Variants in TKTL1 observed in about 807,000 individuals in gnomAD.
The protein encoded by TKTL1 is transketolase-like protein 1.
A neutral mutation model predicts 39.3 loss-of-function variants in TKTL1; 1 was observed. The observed-to-expected ratio is 0.03, with a 90% CI of 0.01 to 0.12. The LOEUF is 0.12. Ranked by LOEUF, TKTL1 falls within the 10% of genes least tolerant of loss-of-function variation. The pLI is 1.00. For missense variants in TKTL1, 575 were observed against 509.6 expected (o/e 1.13, Z -1.24); for synonymous variants, 262 against 193.8 (o/e 1.35, Z -2.92).
intron 9 of TKTL1, among the ~76,000 whole-genome samples, chrX:154,323,795 C>T (rs1557171399): frequency 1.8e-5 from 2 of 112,429 alleles, no homozygotes; most frequent in African/African-American, 6.5e-5. Context: ...ACCCGGGTTC[C>T]CTGGCCCTGG....
chrX:154,297,728 T>TA (rs1557164963), intron 1 of TKTL1, among the ~76,000 whole-genome samples: 1 of 110,432 alleles, frequency 9.1e-6, no homozygotes, highest in East Asian at 2.9e-4. Flanking sequence ...CGTGTGAGCC[T>TA]AGAAAGTTCG....
chrX:154,300,442 T>C (rs1345781177), intron 1 of TKTL1, among the ~76,000 whole-genome samples: 1 of 112,601 alleles, frequency 8.9e-6, no homozygotes, highest in Non-Finnish European at 1.9e-5. Context: ...TGTGATGTCT[T>C]TCAGTAGTGT....
rs1019062581 is a variant in TKTL1 at position 154,327,876 on chromosome X, A to G, written c.1536A>G (p.Lys512=). ...GTGTCATCGACCTGTTTACCATTAA[A>G]CCTCTGGATGTCGCCACCATCGTCT... ...FIRVIDLFTI[K]PLDVATIVSS... Residue 512 remains lysine, a synonymous_variant, in exon 12 of 13, where the codon AAA becomes AAG. Coordinates refer to ENST00000369915, the MANE Select transcript of TKTL1 (RefSeq NM_012253.4). The G allele has an allele frequency of 5.8e-6, 7 of 1,208,675 alleles. No homozygotes were observed. The African/African-American group carries it at 1.1e-4, about 18-fold the overall frequency.
rs1024098221 is a variant in TKTL1, at chrX:154,305,218, G to A, written c.135-86G>A. The A allele has an allele frequency of 7.6e-6, 9 of 1,180,981 alleles. No individual in the cohort carries two copies. In the East Asian group the frequency reaches 9.1e-5, roughly 12 times the overall value. On this transcript the variant is annotated intron_variant, in intron 1 of 12. Transcript: ENST00000369915. ...TCTTCCCGGGCTGGGAGAAATGACC[G>A]CTTCTATGAGGAGACCATGTGCCGA...
intron 12 of TKTL1, among the ~76,000 whole-genome samples, 183 bp downstream of exon 12, chrX:154,328,141 C>G (rs1438578259): frequency 8.9e-6 from 1 of 112,045 alleles, no homozygotes; most frequent in Non-Finnish European, 1.9e-5. Flanking sequence ...ACAGAGTGCA[C>G]AGTGCCCAGT....
chrX:154,317,455 C>T (rs2067410321), intron 7 of TKTL1, among the ~76,000 whole-genome samples: 1 of 111,893 alleles, frequency 8.9e-6, no homozygotes, highest in South Asian at 3.7e-4. Context: ...GTTTGGAGAG[C>T]AGAGGAAGGG....
intron 7 of TKTL1, among the ~76,000 whole-genome samples, chrX:154,316,100 G>A (rs782367947): frequency 5.4e-5 from 6 of 111,553 alleles, no homozygotes; most frequent in African/African-American, 1.3e-4. Flanking sequence ...TTTTTTAGAC[G>A]AAGTCTCGCT....
At chrX:154,323,430 AAG>A in intron 9 of TKTL1, 93 bp downstream of exon 9, 1 of 990,742 alleles carries the variant, frequency 1.0e-6, no homozygotes, top group Non-Finnish European at 1.4e-6. Context: ...CTCAACATAA[AAG>A]TGATATTCAT....
At chrX:154,320,633 A>G in intron 7 of TKTL1, 124 bp from the exon 8 acceptor site, 1 of 709,299 alleles carries the variant, frequency 1.4e-6, no homozygotes, top group Non-Finnish European at 2.2e-6. Context: ...TGTGGGAAGG[A>G]CGCATGCTAG....
intron 6 of TKTL1, among the ~76,000 whole-genome samples, chrX:154,313,151 T>A (rs1370758754): frequency 1.8e-5 from 2 of 111,955 alleles, no homozygotes; most frequent in South Asian, 7.5e-4. Flanking sequence ...GTGTCTGAAT[T>A]TTCTGATTGG....
intron 4 of TKTL1, 21 bp from the exon 5 acceptor site, chrX:154,311,090 A>T (rs1557168242): frequency 8.3e-7 from 1 of 1,211,060 alleles, no homozygotes; most frequent in Non-Finnish European, 1.1e-6. Flanking sequence ...CTTGTAACCC[A>T]GCCTGCTCCT....
chrX:154,321,802 C>T (rs375004611), intron 8 of TKTL1, among the ~76,000 whole-genome samples: 3 of 107,253 alleles, frequency 2.8e-5, no homozygotes, highest in Non-Finnish European at 3.8e-5. Flanking sequence ...TGAGGCTGGA[C>T]GAGATGGCTC....
At chrX:154,310,730 T>C (rs1557168138) in intron 3 of TKTL1, 106 bp from the exon 4 acceptor site, 1 of 692,449 alleles carries the variant, frequency 1.4e-6, no homozygotes, top group East Asian at 3.2e-5. Flanking sequence ...GCGAATGGTC[T>C]GGAGCAGCAG....
intron 9 of TKTL1, among the ~76,000 whole-genome samples, 165 bp from the exon 10 acceptor site, chrX:154,325,174 T>A (rs1310258885): frequency 1.8e-5 from 2 of 112,238 alleles, no homozygotes; most frequent in Non-Finnish European, 3.8e-5. Flanking sequence ...AAGGTCCTGC[T>A]GGGACCTGTC....
intron 2 of TKTL1, among the ~76,000 whole-genome samples, chrX:154,306,961 T>A (rs954404925): frequency 9.1e-6 from 1 of 109,315 alleles, no homozygotes; most frequent in Non-Finnish European, 1.9e-5. Context: ...GAAAAAAAAA[T>A]AGATATATAA....
At chrX:154,329,387 A>G in intron 12 of TKTL1, 129 bp from the exon 13 acceptor site, 3 of 661,277 alleles carry the variant, frequency 4.5e-6, no homozygotes, top group Non-Finnish European at 4.6e-6. Context: ...CCGCAGGCCC[A>G]TCGGAGTGGC....
chrX:154,317,019 C>T (rs1264772769), intron 7 of TKTL1, among the ~76,000 whole-genome samples: 2 of 111,147 alleles, frequency 1.8e-5, no homozygotes, highest in African/African-American at 3.3e-5. Flanking sequence ...ATCTGCCTGC[C>T]TCAGCCTCCC....
At chrX:154,321,485 G>A (rs1206272482) in intron 8 of TKTL1, among the ~76,000 whole-genome samples, 2 of 84,578 alleles carry the variant, frequency 2.4e-5, no homozygotes, top group Non-Finnish European at 4.5e-5. Flanking sequence ...AACAAGGTGT[G>A]CAAGGTGGTG....
chrX:154,310,695 G>A (rs1050721912), intron 3 of TKTL1, 141 bp from the exon 4 acceptor site: 5 of 513,762 alleles, frequency 9.7e-6, no homozygotes, highest in Non-Finnish European at 1.6e-5. Context: ...GGCTGGGGCA[G>A]AGTTGATGAG....
Sources: allele counts gnomAD v4.1 joint callset (sites outside exome capture counted in the v4.1 genomes callset), GRCh38; gene constraint gnomAD v4.1.1; transcripts MANE v1.5; gene names NCBI Gene and HGNC (gene_info 2026-07-23, HGNC 2026-07-21).